Variants in MAGI3 observed in about 807,000 individuals in gnomAD.
MAGI3 encodes the protein membrane associated guanylate kinase, WW and PDZ domain containing 3, also known as membrane-associated guanylate kinase, WW and PDZ domain-containing protein 3.
A neutral mutation model predicts 121.8 loss-of-function variants in MAGI3; 43 were observed. The ratio of observed to expected loss-of-function variants is 0.35; its 90% confidence interval spans 0.28 to 0.46. The LOEUF (loss-of-function observed/expected upper bound fraction) is 0.46, where lower values mean the gene tolerates loss of function less well. Among genes scored for constraint, MAGI3 ranks in the 20% least tolerant of loss-of-function variants. The pLI, the probability that MAGI3 is intolerant of heterozygous loss-of-function variation, is 1.00. For synonymous variants in MAGI3, 553 were observed against 639.3 expected (o/e 0.86, Z 2.04); for missense variants, 1,547 against 1,797.3 (o/e 0.86, Z 2.52).
At chr1:113,505,966 T>C (rs4839322) in intron 1 of MAGI3, among the ~76,000 whole-genome samples, 144,249 of 152,204 alleles carry the variant, frequency 0.95, 68,392 homozygotes, top group East Asian at 0.99. Context: ...TGGAGGGTTA[T>C]GAGCACTGGA....
chr1:113,551,330 G>A (rs1166165350), intron 2 of MAGI3, among the ~76,000 whole-genome samples: 1 of 152,016 alleles, frequency 6.6e-6, no homozygotes, highest in Non-Finnish European at 1.5e-5. Flanking sequence ...ATTTCACCTC[G>A]ATTCAATCAG....
intron 6 of MAGI3, among the ~76,000 whole-genome samples, chr1:113,600,360 CAACTT>C (rs1649290434): frequency 6.6e-6 from 1 of 151,924 alleles, no homozygotes; most frequent in Non-Finnish European, 1.5e-5. Context: ...AGCTGATAAG[CAACTT>C]CAGCAAAGTC....
intron 1 of MAGI3, among the ~76,000 whole-genome samples, chr1:113,521,608 A>G (rs1434498491): frequency 2.0e-5 from 3 of 151,206 alleles, no homozygotes; most frequent in African/African-American, 7.3e-5. Flanking sequence ...GGGTTTCACC[A>G]TGTTAGCCAG....
chr1:113,641,170 CTATA>C (rs1184512811), intron 9 of MAGI3, among the ~76,000 whole-genome samples: 1 of 135,366 alleles, frequency 7.4e-6, no homozygotes, highest in African/African-American at 2.8e-5. Context: ...ATATATAAAT[CTATA>C]TATATATCAG....
Position 113,640,940 on chromosome 1 carries a change from AT to A in MAGI3, c.1361-970del, listed in dbSNP as rs1652426615. 8.0e-5 allele frequency among the ~76,000 whole-genome samples: 11 copies of A among 136,836 alleles called. No individual in the cohort carries two copies. In the Admixed American group the frequency reaches 8.1e-4, roughly 10 times the overall value. 89.8% of individuals were successfully genotyped at this position (136,836 alleles called of 152,430 possible). On this transcript the variant is annotated intron_variant, in intron 9 of 20. Coordinates refer to ENST00000307546, the MANE Select transcript of MAGI3 (RefSeq NM_001142782.2). ...ATGATATATTTTATATATCATATAT[AT>A]AAATATATATAATATTAAATATATA...
intron 1 of MAGI3, among the ~76,000 whole-genome samples, chr1:113,401,723 G>A (rs191002711): frequency 2.9e-4 from 44 of 152,270 alleles, no homozygotes; most frequent in Admixed American, 1.7e-3. Flanking sequence ...AGAAAGGAAC[G>A]TACTTTAGAA....
In MAGI3 at chr1:113,641,896, A is replaced by G. The variant is rs1448278394; in HGVS notation, c.1361-15A>G. On this transcript the variant is annotated splice_polypyrimidine_tract_variant and intron_variant, in intron 9 of 20. Transcript: ENST00000307546. ...TGTTGATTTTAATATTTTTAACATG[A>G]TTATGTTTTTCCAGGCGATGTTATT... is the stretch of plus-strand genomic sequence containing the variant. 1 of 1,547,416 alleles carries G rather than the reference A, an allele frequency of 6.5e-7. No individual in the cohort carries two copies. Among genetic ancestry groups the G allele is most frequent in the South Asian group, 1.2e-5 (1 of 80,446 alleles).
At chr1:113,548,502 G>A (rs1381625520) in intron 1 of MAGI3, among the ~76,000 whole-genome samples, 1 of 152,146 alleles carries the variant, frequency 6.6e-6, no homozygotes, top group African/African-American at 2.4e-5. Flanking sequence ...GTTCAATCTA[G>A]TGATAGGAAG....
intron 1 of MAGI3, among the ~76,000 whole-genome samples, chr1:113,488,340 T>C (rs1345736897): frequency 6.6e-6 from 1 of 152,204 alleles, no homozygotes; most frequent in Non-Finnish European, 1.5e-5. Context: ...GAGTCTTTAG[T>C]GCTAGGGGAA....
At chr1:113,426,693 A>G (rs1164662027) in intron 1 of MAGI3, among the ~76,000 whole-genome samples, 2 of 152,114 alleles carry the variant, frequency 1.3e-5, no homozygotes, top group Non-Finnish European at 2.9e-5. Context: ...ACTTTAGCAG[A>G]TGTTGATTTA....
At position 113,394,561 on chromosome 1, in the gene MAGI3, C is replaced by A. The variant is rs188592968; in HGVS notation, c.316+3212C>A. On this transcript the variant is annotated intron_variant, in intron 1 of 20. Coordinates refer to ENST00000307546, the MANE Select transcript of MAGI3 (RefSeq NM_001142782.2). ...TTACTACAGAGTATATATTCTTAAA[C>A]CATTTCTATTCTGATTAATATACAA... is the stretch of plus-strand genomic sequence containing the variant. Among the ~76,000 whole-genome samples the A allele has an allele frequency of 9.7e-3, 1,479 of 152,194 alleles. 13 individuals are homozygous for A. Among genetic ancestry groups the A allele is most frequent in the Non-Finnish European group, 0.012 (849 of 67,982 alleles).
chr1:113,625,879 GT>G (rs1043925387), intron 9 of MAGI3, among the ~76,000 whole-genome samples: 5 of 152,064 alleles, frequency 3.3e-5, no homozygotes, highest in African/African-American at 4.8e-5. Flanking sequence ...TATATAACCA[GT>G]TTTTTTAGGG....
At chr1:113,439,078 T>C (rs1653786195) in intron 1 of MAGI3, among the ~76,000 whole-genome samples, 1 of 152,180 alleles carries the variant, frequency 6.6e-6, no homozygotes, top group Non-Finnish European at 1.5e-5. Context: ...ACACAGGCAC[T>C]GTGATACCGT....
chr1:113,537,791 T>C (rs1014228867), intron 1 of MAGI3, among the ~76,000 whole-genome samples: 6 of 152,264 alleles, frequency 3.9e-5, no homozygotes, highest in Admixed American at 6.5e-5. Flanking sequence ...AAGTGACTTA[T>C]ATTGTCATGT....
In MAGI3 at chr1:113,637,833, T is replaced by C. The variant is rs190172561; in HGVS notation, c.1361-4078T>C. Reference sequence around the variant, plus strand: ...AATATCCTGCGGAGTGTTTTCCAACTTGGTTCCATTCTCCCCATCACTTTC... The same window carrying C: ...AATATCCTGCGGAGTGTTTTCCAACCTGGTTCCATTCTCCCCATCACTTTC... On this transcript the variant is annotated intron_variant, in intron 9 of 20. Coordinates refer to ENST00000307546, the MANE Select transcript of MAGI3 (RefSeq NM_001142782.2). Among the ~76,000 whole-genome samples the C allele has an allele frequency of 5.6e-3, 858 of 152,344 alleles. 4 individuals carry two copies. The highest frequency in any genetic ancestry group is 0.011 in the South Asian group (52 of 4,830).
intron 1 of MAGI3, among the ~76,000 whole-genome samples, chr1:113,447,602 C>A (rs1654241762): frequency 6.6e-6 from 1 of 152,030 alleles, no homozygotes; most frequent in Admixed American, 6.6e-5. Flanking sequence ...GCCTATAATC[C>A]CAGCACTTTG....
intron 1 of MAGI3, among the ~76,000 whole-genome samples, chr1:113,438,276 A>G (rs116379395): frequency 0.012 from 1,815 of 152,230 alleles, 19 homozygotes; most frequent in Non-Finnish European, 0.016. Flanking sequence ...GTCCCCCTGT[A>G]TCCTGAGGGG....
At chr1:113,600,981 A>G (rs1291097869) in intron 6 of MAGI3, among the ~76,000 whole-genome samples, 4 of 152,188 alleles carry the variant, frequency 2.6e-5, no homozygotes, top group Non-Finnish European at 5.9e-5. Context: ...AGGATTCCCT[A>G]TGTAATAAAT....
chr1:113,496,927 T>C (rs1265471498), intron 1 of MAGI3, among the ~76,000 whole-genome samples: 19 of 152,196 alleles, frequency 1.2e-4, no homozygotes, highest in Admixed American at 1.2e-3. Context: ...ATTGCCTGAC[T>C]TGCATATTAT....
Sources: allele counts gnomAD v4.1 joint callset (sites outside exome capture counted in the v4.1 genomes callset), GRCh38; gene constraint gnomAD v4.1.1; transcripts MANE v1.5; gene names NCBI Gene and HGNC (gene_info 2026-07-23, HGNC 2026-07-21).